Variants in KIF19 observed in about 807,000 individuals in gnomAD.
KIF19 encodes kinesin-like protein KIF19.
Under a neutral mutation model 106.6 loss-of-function variants are expected in KIF19, and 98 were observed. The observed-to-expected ratio is 0.92, with a 90% CI of 0.78 to 1.09. The LOEUF is 1.09. KIF19 is among the 50% of genes least tolerant of loss of function. The pLI is 0.00. For missense variants in KIF19, 1,373 were observed against 1,414.3 expected, an observed-to-expected ratio of 0.97 and a Z score of 0.47; for synonymous variants, 516 against 584.2, an observed-to-expected ratio of 0.88 and a Z score of 1.68.
intron 2 of KIF19, chr17:74,328,800 C>G (rs1044004415): frequency 5.6e-5 from 17 of 306,022 alleles, no homozygotes; most frequent in African/African-American, 3.2e-4. Flanking sequence ...GCCTGCTGCC[C>G]ACAGAGCACA....
Position 74,354,488 on chromosome 17 carries a change from A to C in KIF19, c.2635A>C (p.Lys879Gln). ...TGGCCAGAAGAAAAGCCTGGGCAAG[A>C]AAAGGGAGGAGTCGCTGGAGGCAAA... ...LRGQKKSLGK[K>Q]REESLEAKRR... is the part of the protein sequence containing the mutation. Residue 879 changes from lysine (K) to glutamine (Q), a missense_variant, in exon 18 of 20, where the codon AAA becomes CAA. Lys to Gln is a moderately conservative substitution (Grantham distance 53). Coordinates refer to ENST00000389916, the MANE Select transcript of KIF19 (RefSeq NM_153209.4). 6.2e-7 allele frequency: 1 copy of C among 1,607,124 alleles called. No individual in the cohort carries two copies. The highest frequency in any genetic ancestry group is 1.1e-5 in the South Asian group (1 of 89,902).
Position 74,347,865 on chromosome 17 carries a change from C to T in KIF19, c.1013C>T (p.Thr338Ile). The change falls in exon 9 of 20, where the codon ACC becomes ATC. Residue 338 changes from threonine to isoleucine, a missense_variant. Thr to Ile is a moderately conservative substitution (Grantham distance 89). Around this residue, in one of 3 missense-constraint regions of KIF19, gnomAD observed 1,020 missense variants for 1,008.2 expected, o/e 1.01. Transcript: ENST00000389916. Reference protein sequence around the residue: ...SAFEESRNTLTYAGRAKNIKT... With the variant: ...SAFEESRNTLIYAGRAKNIKT... ...TTCGAGGAGTCCCGGAACACCCTGA[C>T]CTACGCCGGCCGGGCCAAGAACATT... The T allele has an allele frequency of 6.3e-7, 1 of 1,584,498 alleles. No individual in the cohort carries two copies. The highest frequency in any genetic ancestry group is 8.6e-7 in the Non-Finnish European group (1 of 1,165,966).
Position 74,350,412 on chromosome 17 carries a change from C to A in KIF19, c.1225C>A (p.Leu409Met). ...DIRHIQAEVQ[L>M]HSGQGEKAGM... ...TCACCCATCGGCAGCTGAGGTCCAGCTGCACAGCGGGCAGGGTGAGAAGGC... is the reference window on the plus strand; with the variant it reads ...TCACCCATCGGCAGCTGAGGTCCAGATGCACAGCGGGCAGGGTGAGAAGGC... The change falls in exon 11 of 20, where the codon CTG (leucine) becomes ATG (methionine). Residue 409 changes from leucine (L) to methionine (M), a missense_variant. Transcript: ENST00000389916. 6.3e-7 allele frequency: 1 copy of A among 1,599,694 alleles called. No homozygotes were observed. Among genetic ancestry groups the A allele is most frequent in the South Asian group, 1.1e-5 (1 of 88,794 alleles).
intron 2 of KIF19, among the ~76,000 whole-genome samples, chr17:74,333,580 C>T (rs1202873934): frequency 1.3e-5 from 2 of 152,040 alleles, no homozygotes; most frequent in African/African-American, 2.4e-5. Context: ...AGGCTGGTCT[C>T]GAACTCCTGA....
Position 74,328,448 on chromosome 17 carries a change from C to A in KIF19, c.63C>A (p.Ile21=). ...QLMVALRVRP[I]SVAELEEGAT... The stretch of plus-strand genomic sequence containing the variant: ...AGGTGGCGCTTCGGGTCCGGCCCAT[C>A]AGCGTGGCAGAGCTGGAGGAAGGAG... Residue 21 remains isoleucine, a synonymous_variant, in exon 2 of 20, where the codon ATC becomes ATA. Transcript: ENST00000389916. The A allele has an allele frequency of 1.2e-6, 2 of 1,610,974 alleles. No individual in the cohort carries two copies. Among genetic ancestry groups the A allele is most frequent in the Non-Finnish European group, 1.7e-6 (2 of 1,178,992 alleles).
rs775128139 is a variant in KIF19, at chr17:74,352,312, T to A, written c.1952T>A (p.Met651Lys). The change falls in exon 14 of 20, where the codon ATG becomes AAG. Residue 651 changes from methionine to lysine, a missense_variant. Physicochemically the swap from Met to Lys is moderately conservative, Grantham distance 95 (BLOSUM62 -1). Around this residue, in one of 3 missense-constraint regions of KIF19, gnomAD observed 1,020 missense variants for 1,008.2 expected, o/e 1.01. Transcript: ENST00000389916. Reference protein sequence around the residue: ...EEGSLEQATIMDQVASRALQD... With the variant: ...EEGSLEQATIKDQVASRALQD... ...GGCAGCCTGGAGCAGGCCACCATCATGGACCAAGTGGCCTCCAGGGCCCTG... is the reference window on the plus strand; with the variant it reads ...GGCAGCCTGGAGCAGGCCACCATCAAGGACCAAGTGGCCTCCAGGGCCCTG... 18 of 1,610,854 alleles carry A rather than the reference T, an allele frequency of 1.1e-5. No individual in the cohort carries two copies. Among genetic ancestry groups the A allele is most frequent in the Non-Finnish European group, 1.4e-5 (17 of 1,179,126 alleles).
At chr17:74,343,795 C>G (rs931417818) in intron 5 of KIF19, among the ~76,000 whole-genome samples, 1 of 152,156 alleles carries the variant, frequency 6.6e-6, no homozygotes, top group Non-Finnish European at 1.5e-5. Flanking sequence ...GGGGGTGCCC[C>G]CAGAAGGAGC....
chr17:74,349,612 G>A (rs1024281395), intron 10 of KIF19, among the ~76,000 whole-genome samples: 2 of 152,246 alleles, frequency 1.3e-5, no homozygotes, highest in African/African-American at 2.4e-5. Flanking sequence ...GGAGAGGCAC[G>A]TGAGCAATGA....
In KIF19 at chr17:74,341,444, G is replaced by C. The variant is rs971295453; in HGVS notation, c.121-432G>C. The stretch of plus-strand genomic sequence containing the variant: ...CTCTCTGGCAGAGGCAGCATGGGGG[G>C]TGTTGAAGTGAGGGGCAGGCCCCCA... On this transcript the variant is annotated intron_variant, in intron 2 of 19. Coordinates refer to ENST00000389916, the MANE Select transcript of KIF19 (RefSeq NM_153209.4). Among the ~76,000 whole-genome samples the C allele has an allele frequency of 2.6e-5, 4 of 152,176 alleles. No individual in the cohort carries two copies. The East Asian group carries it at 7.7e-4, about 29-fold the overall frequency.
intron 14 of KIF19, 59 bp from the exon 15 acceptor site, chr17:74,352,762 T>G: frequency 6.2e-7 from 1 of 1,603,766 alleles, no homozygotes; most frequent in Non-Finnish European, 8.5e-7. Flanking sequence ...TGTGACTCTG[T>G]GCTGATTTGG....
chr17:74,332,447 C>T (rs922816033), intron 2 of KIF19, among the ~76,000 whole-genome samples: 2 of 152,058 alleles, frequency 1.3e-5, no homozygotes, highest in African/African-American at 4.8e-5. Context: ...GATCAAACAG[C>T]CGTCTCCTCC....
intron 2 of KIF19, 27 bp downstream of exon 2, chr17:74,328,532 G>A (rs776222447): frequency 8.2e-6 from 13 of 1,576,960 alleles, no homozygotes; most frequent in Middle Eastern, 1.7e-4. Flanking sequence ...AGCAGGAGCT[G>A]CAGGGCAGAG....
intron 5 of KIF19, among the ~76,000 whole-genome samples, chr17:74,343,622 G>A (rs2054446076): frequency 6.6e-6 from 1 of 152,248 alleles, no homozygotes; most frequent in Non-Finnish European, 1.5e-5. Flanking sequence ...AGGGACTGGG[G>A]AAGCACACAG....
At chr17:74,353,157 C>G (rs2054767354) in intron 15 of KIF19, 39 bp from the exon 16 acceptor site, 1 of 1,515,082 alleles carries the variant, frequency 6.6e-7, no homozygotes, top group South Asian at 1.2e-5. Context: ...GGTGAGATAG[C>G]CTGGTCTACA....
At chr17:74,344,511 A>G (rs1196059490) in intron 6 of KIF19, among the ~76,000 whole-genome samples, 163 bp downstream of exon 6, 2 of 152,144 alleles carry the variant, frequency 1.3e-5, no homozygotes, top group Non-Finnish European at 2.9e-5. Context: ...CACCTGCCCC[A>G]ATGCCCCCAC....
Position 74,355,614 on chromosome 17 carries a change from G to C in KIF19, c.*302G>C. The C allele has an allele frequency of 3.6e-6, 1 of 274,766 alleles. No homozygotes were observed. Among genetic ancestry groups the C allele is most frequent in the Non-Finnish European group, 6.5e-6 (1 of 154,496 alleles). The allele number at this position is 274,766 out of a possible 1,614,324, so 17.0% of individuals were successfully genotyped here. On this transcript the variant is annotated 3_prime_UTR_variant, in exon 20 of 20. Coordinates refer to ENST00000389916, the MANE Select transcript of KIF19 (RefSeq NM_153209.4). ...CAGCCCTGAGGCCAGCCTCGGCCTT[G>C]GTAACGGAGGAAAGCAGCTGACAGT...
chr17:74,342,798 C>T, intron 4 of KIF19, 81 bp downstream of exon 4: 1 of 1,382,938 alleles, frequency 7.2e-7, no homozygotes, highest in Non-Finnish European at 1.0e-6. Context: ...CTGACCCCAG[C>T]TGGAGCAGGA....
chr17:74,334,472 C>T (rs2054174793), intron 2 of KIF19, among the ~76,000 whole-genome samples: 1 of 152,192 alleles, frequency 6.6e-6, no homozygotes, highest in South Asian at 2.1e-4. Flanking sequence ...TACACACTCC[C>T]CATCCTAAGC....
At position 74,344,204 on chromosome 17, in the gene KIF19, C is replaced by T. The variant is rs2054463174; in HGVS notation, c.457-19C>T. The T allele has an allele frequency of 6.2e-7, 1 of 1,605,072 alleles. No individual in the cohort carries two copies. Among genetic ancestry groups the T allele is most frequent in the Middle Eastern group, 1.7e-4 (1 of 6,004 alleles). On this transcript the variant is annotated intron_variant, in intron 5 of 19. Coordinates refer to ENST00000389916, the MANE Select transcript of KIF19 (RefSeq NM_153209.4). ...CCTTAGTCTCCCTTCCCCCACCCCTCCCCCACCTGTCCCGTCAGATCTACA... is the reference window on the plus strand; with the variant it reads ...CCTTAGTCTCCCTTCCCCCACCCCTTCCCCACCTGTCCCGTCAGATCTACA...
Sources: allele counts gnomAD v4.1 joint callset (sites outside exome capture counted in the v4.1 genomes callset), GRCh38; gene constraint gnomAD v4.1.1; regional missense constraint gnomAD v4.1.1; transcripts MANE v1.5; gene names NCBI Gene and HGNC (gene_info 2026-07-23, HGNC 2026-07-21).